The following ESYT3 variants were observed in gnomAD, a reference collection of about 807,000 sequenced individuals.
ESYT3 encodes extended synaptotagmin-3.
ESYT3 carries 101 observed loss-of-function variants against 111.5 expected under a neutral mutation model. The observed-to-expected ratio is 0.91, with a 90% confidence interval of 0.77 to 1.07. The LOEUF is 1.07. Among genes scored for constraint, ESYT3 ranks in the 50% least tolerant of loss-of-function variants. The pLI is 0.00. For missense variants in ESYT3, 1,097 were observed against 1,109.4 expected (o/e 0.99, Z 0.16); for synonymous variants, 416 against 446.8 (o/e 0.93, Z 0.87).
chr3:138,454,517 A>G (rs2032148369), intron 2 of ESYT3, among the ~76,000 whole-genome samples: 1 of 152,216 alleles, frequency 6.6e-6, no homozygotes, highest in Non-Finnish European at 1.5e-5. Context: ...AGGTCGTGCC[A>G]TTGCACTCCA....
intron 10 of ESYT3, among the ~76,000 whole-genome samples, chr3:138,466,824 G>A (rs1283247387): frequency 6.6e-6 from 1 of 152,152 alleles, no homozygotes; most frequent in Non-Finnish European, 1.5e-5. Flanking sequence ...ATTTACTCAG[G>A]GCAGAAGGTG....
chr3:138,457,186 A>G (rs928353832), intron 3 of ESYT3, among the ~76,000 whole-genome samples: 2 of 152,216 alleles, frequency 1.3e-5, no homozygotes, highest in Non-Finnish European at 2.9e-5. Context: ...GAGTATTGCC[A>G]GCTTCCTCCA....
chr3:138,445,121 G>C (rs1431349737), intron 1 of ESYT3, among the ~76,000 whole-genome samples: 2 of 152,318 alleles, frequency 1.3e-5, no homozygotes, highest in East Asian at 3.9e-4. Flanking sequence ...CTCCAGGTGG[G>C]ACTGTTGAAC....
At chr3:138,452,144 C>A in intron 2 of ESYT3, 55 bp downstream of exon 2, 1 of 1,565,316 alleles carries the variant, frequency 6.4e-7, no homozygotes, top group Non-Finnish European at 8.7e-7. Context: ...CTCGTCCTCC[C>A]CGCGGCTGTC....
rs1188071432 is a variant in ESYT3, at chr3:138,440,739, C to G, written c.327+5614C>G. 2.6e-5 allele frequency among the ~76,000 whole-genome samples: 4 copies of G among 152,190 alleles called. No individual in the cohort carries two copies. Among genetic ancestry groups the G allele is most frequent in the Admixed American group, 2.6e-4 (4 of 15,272 alleles). ...ATGATGGTTCATGGACTTATCATGT[C>G]CTGGGCCAGGATTGAGCAATATGAG... On this transcript the variant is annotated intron_variant, in intron 1 of 22. Transcript: ENST00000389567. This position sits in a 1 kb window ranked among gnomAD's most constrained non-coding sequence, Gnocchi z 4.2.
chr3:138,471,194 A>G (rs1186484723), intron 17 of ESYT3, among the ~76,000 whole-genome samples, 168 bp downstream of exon 17: 2 of 152,190 alleles, frequency 1.3e-5, no homozygotes, highest in Admixed American at 6.5e-5. Flanking sequence ...TCAATATTCA[A>G]AGAGATACAG....
At chr3:138,461,688 C>T (rs2032649699) in intron 7 of ESYT3, among the ~76,000 whole-genome samples, 1 of 152,208 alleles carries the variant, frequency 6.6e-6, no homozygotes, top group African/African-American at 2.4e-5. Context: ...CAGGAATACG[C>T]ATTATTAGCT....
In ESYT3 at chr3:138,434,864, C is replaced by T. The variant is rs2030508206; in HGVS notation, c.66C>T (p.Gly22=). 1 of 1,549,572 alleles carries T rather than the reference C, an allele frequency of 6.5e-7. No homozygotes were observed. The part of the protein sequence containing the change: ...PSALGAQRTP[G]PELRLSSQLL... ...CCCTGGGAGCCCAGCGCACGCCGGG[C>T]CCCGAGCTGCGCCTGTCCAGCCAGC... Residue 22 remains glycine (G), a synonymous_variant, in exon 1 of 23, where the codon GGC becomes GGT. Coordinates refer to ENST00000389567, the MANE Select transcript of ESYT3 (RefSeq NM_031913.5).
chr3:138,469,060 C>T (rs963719355), intron 14 of ESYT3, among the ~76,000 whole-genome samples, 179 bp downstream of exon 14: 1 of 152,164 alleles, frequency 6.6e-6, no homozygotes, highest in Non-Finnish European at 1.5e-5. Flanking sequence ...ACTCATCCCC[C>T]ACATTTGTTA....
rs767256638 is a variant in ESYT3, at chr3:138,474,233, A to C, written c.2349A>C (p.Pro783=). The change falls in exon 20 of 23, where the codon CCA becomes CCC. Residue 783 remains proline (P), a synonymous_variant. Coordinates refer to ENST00000389567, the MANE Select transcript of ESYT3 (RefSeq NM_031913.5). The stretch of plus-strand genomic sequence containing the variant: ...GACACCAAATCAGAAACCTAACACC[A>C]TGTACCAGCAGTGGAGCTGATCCCT... ...VLINGCRNLT[P]CTSSGADPYV... 1.9e-6 allele frequency: 3 copies of C among 1,611,732 alleles called. No individual in the cohort carries two copies. The African/African-American group carries it at 4.0e-5, about 22-fold the overall frequency.
At position 138,435,159 on chromosome 3, in the gene ESYT3, A is replaced by T; in HGVS notation, c.327+34A>T. 1 of 1,517,490 alleles carries T rather than the reference A, an allele frequency of 6.6e-7. No homozygotes were observed. The highest frequency in any genetic ancestry group is 1.3e-5 in the South Asian group (1 of 78,706). 94.0% of individuals were successfully genotyped at this position (1,517,490 alleles called of 1,614,324 possible). On this transcript the variant is annotated intron_variant, in intron 1 of 22. Coordinates refer to ENST00000389567, the MANE Select transcript of ESYT3 (RefSeq NM_031913.5). The surrounding 1 kb of genome is among the most constrained non-coding windows in gnomAD (Gnocchi z 4.8). ...AGCCGGGTGGGAGTGGGAGGTGGGG[A>T]GATGCCTTTCGAGGTTCGGAGGAAC...
intron 16 of ESYT3, chr3:138,470,414 A>ACC: frequency 8.6e-7 from 1 of 1,165,738 alleles, no homozygotes; most frequent in Non-Finnish European, 1.1e-6. Context: ...CACAGTACCC[A>ACC]GAGCAGCCTA....
At chr3:138,474,427 C>A in intron 20 of ESYT3, 75 bp downstream of exon 20, 1 of 1,488,516 alleles carries the variant, frequency 6.7e-7, no homozygotes, top group Non-Finnish European at 9.0e-7. Flanking sequence ...TGTTGCCTGG[C>A]AGCCTGCCAG....
intron 1 of ESYT3, among the ~76,000 whole-genome samples, chr3:138,447,353 T>C (rs529518596): frequency 1.1e-4 from 17 of 152,230 alleles, no homozygotes; most frequent in African/African-American, 4.1e-4. Flanking sequence ...AAAATTATTA[T>C]TAGAAAACAG....
intron 1 of ESYT3, among the ~76,000 whole-genome samples, chr3:138,443,559 T>C (rs2031310509): frequency 6.6e-6 from 1 of 152,182 alleles, no homozygotes; most frequent in African/African-American, 2.4e-5. Context: ...GGGTCTTCTC[T>C]CAGCAGTTAG....
rs758885307 is a variant in ESYT3, at chr3:138,468,891, T to G, written c.1434+10T>G. On this transcript the variant is annotated intron_variant, in intron 14 of 22. Coordinates refer to ENST00000389567, the MANE Select transcript of ESYT3 (RefSeq NM_031913.5). ...CTCCAGGTTTGCCAGAGTGAGTGAGTATGTGGCTAAAAACTCCAGGGAGGG... is the reference window on the plus strand; with the variant it reads ...CTCCAGGTTTGCCAGAGTGAGTGAGGATGTGGCTAAAAACTCCAGGGAGGG... 1 of 1,613,982 alleles carries G rather than the reference T, an allele frequency of 6.2e-7. No homozygotes were observed. The highest frequency in any genetic ancestry group is 1.7e-5 in the Admixed American group (1 of 60,020).
intron 8 of ESYT3, among the ~76,000 whole-genome samples, chr3:138,462,785 T>A (rs2032717381): frequency 6.6e-6 from 1 of 152,066 alleles, no homozygotes; most frequent in Non-Finnish European, 1.5e-5. Flanking sequence ...ACCTCAGCTT[T>A]CCGAGTAGCT....
chr3:138,454,427 A>G (rs2032143051), intron 2 of ESYT3, among the ~76,000 whole-genome samples: 2 of 152,242 alleles, frequency 1.3e-5, no homozygotes, highest in East Asian at 3.9e-4. Context: ...GTGTGGTGGC[A>G]GGTACCTGTA....
At chr3:138,451,978 G>T in intron 1 of ESYT3, 70 bp from the exon 2 acceptor site, 1 of 1,572,510 alleles carries the variant, frequency 6.4e-7, no homozygotes. Context: ...AAGCCCGCCA[G>T]GCTGGCTTGC....
Sources: gnomAD v4.1 joint callset for allele counts (sites outside exome capture counted in the v4.1 genomes callset) on GRCh38, gnomAD v4.1.1 for gene constraint, Gnocchi (gnomAD v3.1) non-coding constraint, MANE v1.5 for transcripts, NCBI Gene and HGNC (gene_info 2026-07-23, HGNC 2026-07-21) for gene names.